Variants in SOX5 observed in about 807,000 individuals in gnomAD.
The protein encoded by SOX5 is transcription factor SOX-5.
SOX5 carries 9 observed loss-of-function variants against 92.0 expected under a neutral mutation model. That is an observed-to-expected ratio of 0.10 (90% CI 0.06 to 0.17). SOX5 has a LOEUF of 0.17. SOX5 is among the 10% of genes least tolerant of loss of function. The pLI is 1.00. For missense variants in SOX5, 642 were observed against 944.5 expected (o/e 0.68, Z 4.20); for synonymous variants, 344 against 336.3 (o/e 1.02, Z -0.25).
rs79232609 is a variant in SOX5, at chr12:24,448,345, G to A, written c.-250-79706C>T. The stretch of plus-strand genomic sequence containing the variant: ...TTTCTAAATCTCAAATTGTAGCATC[G>A]GGTGAAAATGGAGAGAAAAACTACT... On this transcript the variant is annotated intron_variant, in intron 1 of 4. Coordinates refer to the SOX5 transcript ENST00000446891. Among the ~76,000 whole-genome samples the A allele has an allele frequency of 1.1e-4, 16 of 152,116 alleles. No individual in the cohort carries two copies. The East Asian group carries it at 2.3e-3, about 22-fold the overall frequency.
At chr12:24,123,715 C>A (rs2138367401) in intron 4 of SOX5, among the ~76,000 whole-genome samples, 1 of 152,318 alleles carries the variant, frequency 6.6e-6, no homozygotes, top group Admixed American at 6.5e-5. Flanking sequence ...CAGGAGTCGA[C>A]TATAAATCAT....
At chr12:23,621,143 G>C (rs1044013447) in intron 8 of SOX5, among the ~76,000 whole-genome samples, 4 of 151,988 alleles carry the variant, frequency 2.6e-5, no homozygotes, top group Admixed American at 1.3e-4. Context: ...CATTCTTAAA[G>C]TATATGTTTG....
chr12:23,749,709 A>G (rs577081173), intron 4 of SOX5, among the ~76,000 whole-genome samples: 156 of 151,956 alleles, frequency 1.0e-3, no homozygotes, highest in Non-Finnish European at 1.8e-3. Context: ...GGAGACTGTA[A>G]TTTTAGGAAC....
intron 1 of SOX5, among the ~76,000 whole-genome samples, chr12:24,471,062 G>A (rs545190827): frequency 1.1e-4 from 17 of 151,974 alleles, no homozygotes; most frequent in Non-Finnish European, 1.9e-4. Flanking sequence ...GCTGCTTTGC[G>A]GATTATCATG....
chr12:24,312,230 T>C (rs1440723566), intron 2 of SOX5, among the ~76,000 whole-genome samples: 1 of 152,208 alleles, frequency 6.6e-6, no homozygotes, highest in East Asian at 1.9e-4. Context: ...AATCTAAACT[T>C]TTTTTGTATT....
chr12:24,178,372 T>C (rs896522917), intron 4 of SOX5, among the ~76,000 whole-genome samples: 6 of 151,970 alleles, frequency 3.9e-5, no homozygotes, highest in African/African-American at 1.5e-4. Flanking sequence ...GTGAAGAAGT[T>C]CCAGGTGCAG....
intron 1 of SOX5, among the ~76,000 whole-genome samples, chr12:24,378,391 G>A (rs1235742444): frequency 6.6e-6 from 1 of 152,054 alleles, no homozygotes; most frequent in African/African-American, 2.4e-5. Context: ...TCTGATTATA[G>A]AAAAACATAC....
At chr12:24,110,900 C>CAAAAAA (rs67100585) in intron 4 of SOX5, among the ~76,000 whole-genome samples, 17 of 27,578 alleles carry the variant, frequency 6.2e-4, no homozygotes, top group East Asian at 1.1e-3. Flanking sequence ...GACTCCACTT[C>CAAAAAA]AAAAAAAAAA....
chr12:23,739,736 G>C (rs557213759), intron 5 of SOX5, among the ~76,000 whole-genome samples: 1 of 152,060 alleles, frequency 6.6e-6, no homozygotes, highest in Non-Finnish European at 1.5e-5. Context: ...TCCTATCCCC[G>C]ATATTAACAT....
chr12:23,753,942 T>C (rs1401952894), intron 4 of SOX5, among the ~76,000 whole-genome samples: 1 of 151,764 alleles, frequency 6.6e-6, no homozygotes, highest in Admixed American at 6.6e-5. Flanking sequence ...CTAATAACCA[T>C]GCCCTGAACA....
intron 1 of SOX5, among the ~76,000 whole-genome samples, chr12:24,432,020 C>T (rs1234768055): frequency 1.3e-5 from 2 of 152,156 alleles, no homozygotes; most frequent in African/African-American, 2.4e-5. Flanking sequence ...TTCCATTTGG[C>T]TTAGGGTTTC....
At chr12:24,244,458 T>C (rs1183101294) in intron 3 of SOX5, among the ~76,000 whole-genome samples, 4 of 152,168 alleles carry the variant, frequency 2.6e-5, no homozygotes, top group Non-Finnish European at 5.9e-5. Context: ...CTGCAGTCCC[T>C]GGAAAATTCT....
chr12:23,914,110 C>T (rs561839329), intron 1 of SOX5, among the ~76,000 whole-genome samples: 2 of 152,298 alleles, frequency 1.3e-5, no homozygotes, highest in East Asian at 1.9e-4. Context: ...TCTGTTTCCT[C>T]TATCTCCAGA....
At chr12:24,363,272 T>C (rs1385193818) in intron 2 of SOX5, among the ~76,000 whole-genome samples, 2 of 152,152 alleles carry the variant, frequency 1.3e-5, no homozygotes, top group East Asian at 3.9e-4. Context: ...TTTAGATTCA[T>C]TTTTTGGCTA....
chr12:23,923,473 C>T (rs548123069), intron 1 of SOX5, among the ~76,000 whole-genome samples: 30 of 152,044 alleles, frequency 2.0e-4, no homozygotes, highest in African/African-American at 6.7e-4. Flanking sequence ...AATTAAGTTC[C>T]GATTATTTAA....
intron 6 of SOX5, among the ~76,000 whole-genome samples, chr12:23,730,584 A>G (rs139424913): frequency 1.1e-4 from 16 of 152,336 alleles, no homozygotes; most frequent in Admixed American, 3.3e-4. Context: ...CTGTAACCCT[A>G]CAAAGTCTTT....
In SOX5 at chr12:23,529,743, A is replaced by G. The variant is rs1375610587; in HGVS notation, c.*4476T>C. Reference sequence around the variant, plus strand: ...TTATATTACACTATGTGTTATGAACAAAATATAAATCTATAACTCTATGTT... The same window carrying G: ...TTATATTACACTATGTGTTATGAACGAAATATAAATCTATAACTCTATGTT... On this transcript the variant is annotated 3_prime_UTR_variant, in exon 15 of 15. Coordinates refer to ENST00000451604, the MANE Select transcript of SOX5 (RefSeq NM_006940.6). The G allele has an allele frequency of 6.6e-6, 1 of 152,192 alleles. No homozygotes were observed. The highest frequency in any genetic ancestry group is 2.4e-5 in the African/African-American group (1 of 41,462). The allele number at this position is 152,192 out of a possible 1,614,324, so 9.4% of individuals were successfully genotyped here.
At chr12:24,277,094 A>G (rs1345913880) in intron 3 of SOX5, 1 of 152,082 alleles carries the variant, frequency 6.6e-6, no homozygotes, top group Non-Finnish European at 1.5e-5. Flanking sequence ...TTTTATATGC[A>G]TATGTTTTAT....
chr12:23,710,548 T>G (rs1173487700), intron 6 of SOX5, among the ~76,000 whole-genome samples: 3 of 152,182 alleles, frequency 2.0e-5, no homozygotes, highest in African/African-American at 7.2e-5. Flanking sequence ...GCTTCATCCA[T>G]GTCCCCACAA....
Sources: allele counts gnomAD v4.1 joint callset (sites outside exome capture counted in the v4.1 genomes callset), GRCh38; gene constraint gnomAD v4.1.1; transcripts MANE v1.5; gene names NCBI Gene and HGNC (gene_info 2026-07-23, HGNC 2026-07-21).